KIF13A: variants seen among roughly 807,000 people sequenced by gnomAD.
KIF13A encodes the protein kinesin-like protein KIF13A.
In KIF13A, 79 loss-of-function variants were observed where a neutral mutation model predicts 212.2. The ratio of observed to expected loss-of-function variants is 0.37; its 90% CI spans 0.31 to 0.45. KIF13A has a LOEUF of 0.45. KIF13A is among the 20% of genes least tolerant of loss of function. KIF13A has a pLI of 1.00. For missense variants in KIF13A, 1,901 were observed against 2,209.0 expected (o/e 0.86, Z 2.79); for synonymous variants, 789 against 808.6 (o/e 0.98, Z 0.41).
rs186680880 is a variant in KIF13A at position 17,970,165 on chromosome 6, G to A, written c.146+16889C>T. 6.9e-3 allele frequency among the ~76,000 whole-genome samples: 1,042 copies of A among 151,608 alleles called. 9 individuals carry two copies. Among genetic ancestry groups the A allele is most frequent in the African/African-American group, 0.024 (983 of 41,390 alleles). ...TCTCGATCTCCTGACCTCGTGATCC[G>A]CCCGCCTCAGCCTCCCAAAGTGCTG... On this transcript the variant is annotated intron_variant, in intron 2 of 38. Coordinates refer to ENST00000259711, the MANE Select transcript of KIF13A (RefSeq NM_022113.6).
rs1284949160 is a variant in KIF13A, at chr6:17,898,193, A to AG, written c.147-14_147-13insC. ...CTTGGGAGGTTTCCTTAATGATGGG[A>AG]AAAAAAAAATTCAGCAGCAGGGATA... On this transcript the variant is annotated splice_polypyrimidine_tract_variant and intron_variant, in intron 2 of 38. Coordinates refer to ENST00000259711, the MANE Select transcript of KIF13A (RefSeq NM_022113.6). The surrounding 1 kb of genome is among the most constrained non-coding windows in gnomAD (Gnocchi z 5.2). The AG allele has an allele frequency of 1.3e-6, 2 of 1,506,170 alleles. No homozygotes were observed. The highest frequency in any genetic ancestry group is 1.8e-6 in the Non-Finnish European group (2 of 1,104,402). The allele number at this position is 1,506,170 out of a possible 1,614,324, so 93.3% of individuals were successfully genotyped here.
rs191507734 is a variant in KIF13A at position 17,786,066 on chromosome 6, A to G, written c.3362-425T>C. On this transcript the variant is annotated intron_variant, in intron 27 of 38. Coordinates refer to ENST00000259711, the MANE Select transcript of KIF13A (RefSeq NM_022113.6). This position sits in a 1 kb window ranked among gnomAD's most constrained non-coding sequence, Gnocchi z 5.4. ...GGAGCTAAGAGGGGCTTCAACACCAATTTAAGGAACTGCAAGCCAGAAATA... is the reference window on the plus strand; with the variant it reads ...GGAGCTAAGAGGGGCTTCAACACCAGTTTAAGGAACTGCAAGCCAGAAATA... 8.5e-5 allele frequency among the ~76,000 whole-genome samples: 13 copies of G among 152,338 alleles called. No homozygotes were observed. In the East Asian group the frequency reaches 2.5e-3, roughly 29 times the overall value.
intron 14 of KIF13A, among the ~76,000 whole-genome samples, chr6:17,827,375 G>C (rs1017739984): frequency 6.6e-6 from 1 of 152,120 alleles, no homozygotes; most frequent in African/African-American, 2.4e-5. Flanking sequence ...GGGATTACAG[G>C]TGTGAGCCAC....
chr6:17,851,565 C>G (rs1281318884), intron 7 of KIF13A, among the ~76,000 whole-genome samples: 2 of 152,082 alleles, frequency 1.3e-5, no homozygotes, highest in Admixed American at 6.6e-5. Flanking sequence ...AACAGGAGAG[C>G]CAGAAGTGAC....
chr6:17,847,224 C>T (rs1024191530), intron 9 of KIF13A, among the ~76,000 whole-genome samples: 5 of 152,190 alleles, frequency 3.3e-5, no homozygotes, highest in Non-Finnish European at 7.3e-5. Flanking sequence ...TGAATCTCCA[C>T]GAGGCGTGGC....
chr6:17,882,016 A>G (rs1771118724), intron 3 of KIF13A: 2 of 456,602 alleles, frequency 4.4e-6, no homozygotes, highest in African/African-American at 4.0e-5. Flanking sequence ...AAAAAGAAGT[A>G]AGATCTTCTA....
chr6:17,974,933 G>A (rs1420865515), intron 2 of KIF13A, among the ~76,000 whole-genome samples: 6 of 152,242 alleles, frequency 3.9e-5, no homozygotes, highest in African/African-American at 1.2e-4. Context: ...GGACAGTGAA[G>A]ATATAGCATA....
In KIF13A at chr6:17,951,417, CA is replaced by C; in HGVS notation, c.146+35636del. ...AAGTGCTGGAATTAGAGATGTGAGC[CA>C]CTGTGACCAGCCTCAATTTAAAAAA... On this transcript the variant is annotated intron_variant, in intron 2 of 38. Coordinates refer to ENST00000259711, the MANE Select transcript of KIF13A (RefSeq NM_022113.6). The surrounding 1 kb of genome is among the most constrained non-coding windows in gnomAD (Gnocchi z 4.9). 1.7e-6 allele frequency: 1 copy of C among 583,094 alleles called. No individual in the cohort carries two copies. The allele number at this position is 583,094 out of a possible 1,614,324, so 36.1% of individuals were successfully genotyped here.
At chr6:17,842,340 T>C (rs1411845659) in intron 9 of KIF13A, among the ~76,000 whole-genome samples, 1 of 152,080 alleles carries the variant, frequency 6.6e-6, no homozygotes, top group African/African-American at 2.4e-5. Flanking sequence ...CATGAGCCAC[T>C]GAGCCTGGCC....
chr6:17,972,842 A>G (rs1007301573), intron 2 of KIF13A, among the ~76,000 whole-genome samples: 5 of 151,806 alleles, frequency 3.3e-5, no homozygotes, highest in African/African-American at 1.2e-4. Context: ...AGAAAAAAAA[A>G]AAAAAAAAAA....
intron 2 of KIF13A, among the ~76,000 whole-genome samples, chr6:17,940,201 T>C (rs906584282): frequency 1.3e-5 from 2 of 151,892 alleles, no homozygotes; most frequent in Non-Finnish European, 2.9e-5. Context: ...CCTCTTCCTC[T>C]TCTTCTTTTG....
chr6:17,982,537 G>T lies in KIF13A; in HGVS notation c.146+4517C>A. Reference sequence around the variant, plus strand: ...CCTCACACGATTTGCAAGGTGTATTGTTCATCCTGCCATATGGAAAAAATG... The same window carrying T: ...CCTCACACGATTTGCAAGGTGTATTTTTCATCCTGCCATATGGAAAAAATG... On this transcript the variant is annotated intron_variant, in intron 2 of 38. Coordinates refer to ENST00000259711, the MANE Select transcript of KIF13A (RefSeq NM_022113.6). The surrounding 1 kb of genome is among the most constrained non-coding windows in gnomAD (Gnocchi z 5.1). 1 of 541,720 alleles carries T rather than the reference G, an allele frequency of 1.8e-6. No individual in the cohort carries two copies. The highest frequency in any genetic ancestry group is 2.4e-6 in the Non-Finnish European group (1 of 425,306). The allele number at this position is 541,720 out of a possible 1,614,324, so 33.6% of individuals were successfully genotyped here.
downstream of KIF13A, among the ~76,000 whole-genome samples, chr6:17,762,258 G>T (rs1241795299): frequency 6.6e-6 from 1 of 150,996 alleles, no homozygotes; most frequent in Non-Finnish European, 1.5e-5. Context: ...TGTTGCCCAG[G>T]CTGGAGTGCA....
At chr6:17,819,952 CTT>C (rs1764291584) in intron 16 of KIF13A, among the ~76,000 whole-genome samples, 1 of 152,190 alleles carries the variant, frequency 6.6e-6, no homozygotes, top group Admixed American at 6.5e-5. Flanking sequence ...GTTTATAAAT[CTT>C]TTCCAGAGAA....
chr6:17,796,917 T>G (rs772926319), intron 22 of KIF13A, 97 bp from the exon 23 acceptor site: 7 of 690,224 alleles, frequency 1.0e-5, no homozygotes, highest in Non-Finnish European at 1.2e-5. Context: ...TAGAGTATAT[T>G]AGCCTGATCG....
At chr6:17,910,428 C>T (rs2150503235) in intron 2 of KIF13A, among the ~76,000 whole-genome samples, 1 of 152,276 alleles carries the variant, frequency 6.6e-6, no homozygotes, top group East Asian at 1.9e-4. Context: ...AGTTTCCTTT[C>T]CCAAAACAGC....
chr6:17,841,946 CAT>C lies in KIF13A; in HGVS notation c.831-4365_831-4364del, dbSNP rs201636550. On this transcript the variant is annotated intron_variant, in intron 9 of 38. Transcript: ENST00000259711. ...ATATGTCTGTGTGTTTGTGTGTCTACATACACACACACACATACATGTAAGTA... is the reference window on the plus strand; with the variant it reads ...ATATGTCTGTGTGTTTGTGTGTCTACACACACACACACATACATGTAAGTA... 3.4e-4 allele frequency among the ~76,000 whole-genome samples: 52 copies of C among 151,136 alleles called. 2 individuals are homozygous for C. In the East Asian group the frequency reaches 3.7e-3, roughly 11 times the overall value.
intron 2 of KIF13A, chr6:17,953,498 C>CT (rs1325481056): frequency 6.6e-6 from 1 of 152,244 alleles, no homozygotes; most frequent in East Asian, 1.9e-4. Flanking sequence ...GGTTCTTTCT[C>CT]TGCCTCCACC....
rs1403486480 is a variant in KIF13A at position 17,950,808 on chromosome 6, TTTC to T, written c.146+36243_146+36245del. 99 of 979,144 alleles carry T rather than the reference TTTC, an allele frequency of 1.0e-4. 1 individual carries two copies. The highest frequency in any genetic ancestry group is 4.2e-4 in the African/African-American group (24 of 57,244). 60.7% of individuals were successfully genotyped at this position (979,144 alleles called of 1,614,324 possible). A position where few individuals can be genotyped will look rare whatever the true frequency, so the allele number is the denominator to read the frequency against. On this transcript the variant is annotated intron_variant, in intron 2 of 38. Transcript: ENST00000259711. Reference sequence around the variant, plus strand: ...CTAATTACTAAAGGACTTTTAAATCTTTCTTAATTTTGCATTTCTTAAAATAAT... The same window carrying T: ...CTAATTACTAAAGGACTTTTAAATCTTTAATTTTGCATTTCTTAAAATAAT...
Sources: allele counts gnomAD v4.1 joint callset (sites outside exome capture counted in the v4.1 genomes callset), GRCh38; gene constraint gnomAD v4.1.1; non-coding constraint Gnocchi (gnomAD v3.1); transcripts MANE v1.5; gene names NCBI Gene and HGNC (gene_info 2026-07-23, HGNC 2026-07-21).